The following CCDC7 variants were observed in gnomAD, a reference collection of about 807,000 sequenced individuals.
CCDC7 encodes coiled-coil domain containing 7.
A neutral mutation model predicts 196.9 loss-of-function variants in CCDC7; 183 were observed. The ratio of observed to expected loss-of-function variants is 0.93; its 90% CI spans 0.82 to 1.05. The LOEUF (loss-of-function observed/expected upper bound fraction) is 1.05, where lower values mean the gene tolerates loss of function less well. Among genes scored for constraint, CCDC7 ranks in the 50% least tolerant of loss-of-function variants. The pLI is 0.00. For missense variants in CCDC7, 1,540 were observed against 1,482.2 expected (o/e 1.04, Z -0.64); for synonymous variants, 525 against 484.6 (o/e 1.08, Z -1.10).
At chr10:32,612,064 T>C (rs1275467944) in intron 18 of CCDC7, among the ~76,000 whole-genome samples, 1 of 152,210 alleles carries the variant, frequency 6.6e-6, no homozygotes. Flanking sequence ...TGGAATGTTT[T>C]TCCATTTGTT....
rs1282404722 is a variant in CCDC7 at position 32,839,728 on chromosome 10, C to T, written c.3352+4830C>T. 2.0e-5 allele frequency among the ~76,000 whole-genome samples: 3 copies of T among 152,052 alleles called. No homozygotes were observed. The South Asian group carries it at 6.2e-4, about 32-fold the overall frequency. The stretch of plus-strand genomic sequence containing the variant: ...TCTATTCATCAGCACATGGAACATT[C>T]TCCAAGATAGACCATATGACAGGCC... On this transcript the variant is annotated intron_variant, in intron 33 of 41. Coordinates refer to ENST00000639629, the Ensembl canonical transcript of CCDC7.
intron 29 of CCDC7, among the ~76,000 whole-genome samples, chr10:32,788,009 T>C (rs2082127270): frequency 2.0e-5 from 3 of 152,286 alleles, no homozygotes; most frequent in Admixed American, 2.0e-4. Context: ...GATCCCAGCC[T>C]TCAGGCCCAC....
At chr10:32,448,815 T>C (rs995958570), upstream of CCDC7, among the ~76,000 whole-genome samples, 4 of 152,106 alleles carry the variant, frequency 2.6e-5, no homozygotes, top group Admixed American at 2.6e-4. Context: ...GAATTGCTAA[T>C]TATTTATATT....
chr10:32,698,994 AC>A (rs1485342121), intron 24 of CCDC7, among the ~76,000 whole-genome samples: 1 of 152,204 alleles, frequency 6.6e-6, no homozygotes, highest in African/African-American at 2.4e-5. Flanking sequence ...CATCAGACTA[AC>A]AGCTGATCTC....
chr10:32,477,214 ATT>A (rs34848583), intron 8 of CCDC7, among the ~76,000 whole-genome samples: 1 of 147,566 alleles, frequency 6.8e-6, no homozygotes. Context: ...TTTTGAGTTA[ATT>A]TTTTTTTTTT....
At chr10:32,823,340 C>T (rs2090581588) in intron 31 of CCDC7, among the ~76,000 whole-genome samples, 1 of 149,676 alleles carries the variant, frequency 6.7e-6, no homozygotes, top group Non-Finnish European at 1.5e-5. Context: ...CAAGGTTTCA[C>T]TATGTTGGCC....
At chr10:32,516,959 T>C (rs768940685) in intron 9 of CCDC7, among the ~76,000 whole-genome samples, 9 of 152,224 alleles carry the variant, frequency 5.9e-5, no homozygotes, top group Non-Finnish European at 1.3e-4. Context: ...GATATCCATA[T>C]AATGGAATGT....
At chr10:32,708,536 C>T (rs1039826061) in intron 24 of CCDC7, among the ~76,000 whole-genome samples, 1 of 152,152 alleles carries the variant, frequency 6.6e-6, no homozygotes, top group South Asian at 2.1e-4. Context: ...GAACAGGCAA[C>T]CTACAGAATG....
At chr10:32,670,234 CTG>C (rs1190917516) in intron 21 of CCDC7, among the ~76,000 whole-genome samples, 1 of 151,970 alleles carries the variant, frequency 6.6e-6, no homozygotes, top group Admixed American at 6.6e-5. Context: ...TCTGTTGAGG[CTG>C]TGTCTTAATG....
At chr10:32,777,301 T>C (rs2080225984) in intron 28 of CCDC7, among the ~76,000 whole-genome samples, 1 of 152,206 alleles carries the variant, frequency 6.6e-6, no homozygotes, top group African/African-American at 2.4e-5. Context: ...CCTACGTTGA[T>C]TCTGTGTCTT....
At chr10:32,698,673 G>C (rs1170075411) in intron 24 of CCDC7, among the ~76,000 whole-genome samples, 1 of 152,108 alleles carries the variant, frequency 6.6e-6, no homozygotes, top group East Asian at 1.9e-4. Context: ...AAAAAGAAAT[G>C]AACAAATCCT....
At chr10:32,779,120 C>A in intron 29 of CCDC7, 36 bp downstream of exon 30, 2 of 1,380,534 alleles carry the variant, frequency 1.4e-6, no homozygotes, top group African/African-American at 1.5e-5. Context: ...CAGTAGAACA[C>A]AATCTAAGAA....
At chr10:32,504,135 T>C (rs1184048986) in intron 9 of CCDC7, among the ~76,000 whole-genome samples, 1 of 145,850 alleles carries the variant, frequency 6.9e-6, no homozygotes, top group Non-Finnish European at 1.5e-5. Flanking sequence ...TTTTTTTTTT[T>C]GAGATGGAGT....
intron 13 of CCDC7, among the ~76,000 whole-genome samples, chr10:32,559,414 A>G (rs1049683927): frequency 6.6e-6 from 1 of 152,206 alleles, no homozygotes; most frequent in Non-Finnish European, 1.5e-5. Context: ...CCTAACTGGG[A>G]GGCACCCCCC....
intron 33 of CCDC7, among the ~76,000 whole-genome samples, chr10:32,835,821 C>T (rs1308452533): frequency 1.3e-5 from 2 of 151,928 alleles, no homozygotes; most frequent in Non-Finnish European, 2.9e-5. Context: ...ACACTTGTAC[C>T]CCGAACTTAA....
intron 18 of CCDC7, among the ~76,000 whole-genome samples, chr10:32,631,592 A>T (rs1381292614): frequency 1.3e-5 from 2 of 152,084 alleles, no homozygotes; most frequent in African/African-American, 4.8e-5. Flanking sequence ...CAGGCCTCCA[A>T]ATAGTTTTTT....
intron 28 of CCDC7, among the ~76,000 whole-genome samples, chr10:32,769,253 A>T (rs2078786767): frequency 6.6e-6 from 1 of 151,952 alleles, no homozygotes; most frequent in Non-Finnish European, 1.5e-5. Context: ...TGTTTACAGA[A>T]ATTTATCCAT....
chr10:32,491,929 T>A, exon 9 of CCDC7: 1 of 1,561,632 alleles, frequency 6.4e-7, no homozygotes, highest in Non-Finnish European at 8.6e-7. Context: ...TAGAAACTGC[T>A]CATTCAATGA....
intron 41 of CCDC7, among the ~76,000 whole-genome samples, chr10:32,875,845 T>G (rs985438930): frequency 2.6e-5 from 4 of 152,036 alleles, no homozygotes; most frequent in African/African-American, 9.7e-5. Context: ...GGCCTCTCAT[T>G]TAAAACTGAC....
Sources: allele counts gnomAD v4.1 joint callset (sites outside exome capture counted in the v4.1 genomes callset), GRCh38; gene constraint gnomAD v4.1.1; transcripts MANE v1.5; gene names NCBI Gene and HGNC (gene_info 2026-07-23, HGNC 2026-07-21).